Variants in SEC23B observed in about 807,000 individuals in gnomAD.
SEC23B encodes protein transport protein Sec23B.
A neutral mutation model predicts 104.3 loss-of-function variants in SEC23B; 77 were observed. That is an observed-to-expected ratio of 0.74 (90% CI 0.61 to 0.89). The LOEUF is 0.89. Among genes scored for constraint, SEC23B ranks in the 40% least tolerant of loss-of-function variants. The probability of loss-of-function intolerance (pLI) is 0.00; values close to 1 mark genes in which losing one functional copy is unlikely to be tolerated. For missense variants in SEC23B, 885 were observed against 949.4 expected (o/e 0.93, Z 0.89); for synonymous variants, 338 against 332.5 (o/e 1.02, Z -0.18).
intron 12 of SEC23B, among the ~76,000 whole-genome samples, chr20:18,538,403 C>T (rs1457978678): frequency 6.6e-6 from 1 of 152,006 alleles, no homozygotes; most frequent in Non-Finnish European, 1.5e-5. Context: ...GCACCCGCCA[C>T]CACGCCCAGC....
At chr20:18,524,735 T>A in intron 5 of SEC23B, 66 bp downstream of exon 5, 1 of 1,383,774 alleles carries the variant, frequency 7.2e-7, no homozygotes, top group Non-Finnish European at 1.0e-6. Context: ...GGGGTCTCTT[T>A]AAAAGAGCCT....
intron 4 of SEC23B, among the ~76,000 whole-genome samples, chr20:18,519,493 C>T (rs1809717851): frequency 6.6e-6 from 1 of 152,172 alleles, no homozygotes; most frequent in South Asian, 2.1e-4. Flanking sequence ...ACATGATGGC[C>T]AGCCTAAAAC....
intron 19 of SEC23B, among the ~76,000 whole-genome samples, chr20:18,559,119 C>T (rs1254467465): frequency 2.0e-5 from 3 of 151,130 alleles, no homozygotes; most frequent in Non-Finnish European, 4.4e-5. Flanking sequence ...TCCATTACTG[C>T]CAGGTGGAGA....
At chr20:18,521,726 C>T (rs373870995) in intron 4 of SEC23B, among the ~76,000 whole-genome samples, 3 of 151,656 alleles carry the variant, frequency 2.0e-5, no homozygotes, top group South Asian at 2.1e-4. Context: ...CAGATGAGTC[C>T]GTAGAAAAGG....
At position 18,526,345 on chromosome 20, in the gene SEC23B, T is replaced by TCTAACATG. The variant is rs1416292645; in HGVS notation, c.835-25_835-18dup. ...ATACTAAAAGGTGAGGCTGTATACT[T>TCTAACATG]CTAACATGCTGCCATTCGCTATTTT... On this transcript the variant is annotated intron_variant, in intron 7 of 19. Transcript: ENST00000650089. 4 of 1,613,332 alleles carry TCTAACATG rather than the reference T, an allele frequency of 2.5e-6. No individual in the cohort carries two copies. In the African/African-American group the frequency reaches 5.3e-5, roughly 22 times the overall value.
chr20:18,523,466 G>C (rs1451315632), intron 4 of SEC23B, among the ~76,000 whole-genome samples: 2 of 138,734 alleles, frequency 1.4e-5, no homozygotes, highest in Non-Finnish European at 3.1e-5. Context: ...GCAATGGCAC[G>C]ATCTCAGCTC....
Position 18,525,000 on chromosome 20 carries a change from G to A in SEC23B, c.669G>A (p.Glu223=). Residue 223 remains glutamate (E), a synonymous_variant, in exon 6 of 20, where the codon GAG becomes GAA. Coordinates refer to ENST00000650089, the MANE Select transcript of SEC23B (RefSeq NM_006363.6). ...AAGCACGACCTGCACAACCACAGGA[G>A]CACCCTTTTGCTTCAAGCAGGTGAG... ...MQQARPAQPQ[E]HPFASSRFLQ... is the part of the protein sequence containing the mutation. 1 of 1,614,050 alleles carries A rather than the reference G, an allele frequency of 6.2e-7. No individual in the cohort carries two copies. Among genetic ancestry groups the A allele is most frequent in the Non-Finnish European group, 8.5e-7 (1 of 1,180,020 alleles).
At chr20:18,529,331 T>G (rs1568608814) in intron 9 of SEC23B, among the ~76,000 whole-genome samples, 1 of 152,190 alleles carries the variant, frequency 6.6e-6, no homozygotes, top group East Asian at 1.9e-4. Context: ...ACAGAGCTGT[T>G]CAAACACAGA....
In SEC23B at chr20:18,555,103, T is replaced by TA; in HGVS notation, c.2149-2dup. 1.2e-6 allele frequency: 2 copies of TA among 1,612,896 alleles called. No homozygotes were observed. The highest frequency in any genetic ancestry group is 4.5e-5 in the East Asian group (2 of 44,868). On this transcript the variant is annotated splice_polypyrimidine_tract_variant and splice_region_variant and intron_variant, in intron 18 of 19. Coordinates refer to ENST00000650089, the MANE Select transcript of SEC23B (RefSeq NM_006363.6). ...TAAATCTTTTTGTTGTTGTTGTTGTTAAAGGCTCGATTCCTTTTGTCCAAA... is the reference window on the plus strand; with the variant it reads ...TAAATCTTTTTGTTGTTGTTGTTGTTAAAAGGCTCGATTCCTTTTGTCCAAA...
At chr20:18,528,430 C>G (rs1045764210) in intron 9 of SEC23B, among the ~76,000 whole-genome samples, 4 of 152,204 alleles carry the variant, frequency 2.6e-5, no homozygotes, top group Non-Finnish European at 5.9e-5. Context: ...AGTTTGAGAA[C>G]CATGCAGCAT....
chr20:18,535,243 G>T (rs1054425890), intron 11 of SEC23B, among the ~76,000 whole-genome samples: 21 of 150,738 alleles, frequency 1.4e-4, no homozygotes, highest in African/African-American at 4.9e-4. Flanking sequence ...GGAACGATGG[G>T]TCACACCTGT....
chr20:18,528,645 A>G (rs2060155240), intron 9 of SEC23B, among the ~76,000 whole-genome samples: 1 of 152,222 alleles, frequency 6.6e-6, no homozygotes, highest in Non-Finnish European at 1.5e-5. Context: ...GAGTTGTCCT[A>G]GAGAGCAGCA....
chr20:18,553,380 T>TA (rs1407663033), intron 17 of SEC23B, among the ~76,000 whole-genome samples: 1 of 152,232 alleles, frequency 6.6e-6, no homozygotes, highest in East Asian at 1.9e-4. Context: ...GGAGCCATAT[T>TA]AATGGCTCTG....
intron 4 of SEC23B, among the ~76,000 whole-genome samples, chr20:18,520,886 G>C (rs2060077866): frequency 6.6e-6 from 1 of 152,042 alleles, no homozygotes; most frequent in Non-Finnish European, 1.5e-5. Context: ...AGAAGATCTG[G>C]GAAGGAGTCA....
At chr20:18,545,823 A>G in intron 14 of SEC23B, 133 bp from the exon 15 acceptor site, 3 of 717,882 alleles carry the variant, frequency 4.2e-6, no homozygotes, top group Non-Finnish European at 7.7e-6. Flanking sequence ...GTGCTAGTCT[A>G]GGACTTATAG....
chr20:18,530,831 G>A, intron 10 of SEC23B, 28 bp downstream of exon 10: 3 of 1,544,002 alleles, frequency 1.9e-6, no homozygotes, highest in Non-Finnish European at 2.7e-6. Context: ...TTTTTTTTAT[G>A]TGGACTCACT....
intron 1 of SEC23B, among the ~76,000 whole-genome samples, chr20:18,510,417 A>G (rs2059971284): frequency 6.6e-6 from 1 of 152,228 alleles, no homozygotes; most frequent in Non-Finnish European, 1.5e-5. Context: ...ATCAGATGGA[A>G]AAGAAATACT....
At chr20:18,559,285 G>C (rs1437968199) in intron 19 of SEC23B, among the ~76,000 whole-genome samples, 2 of 152,132 alleles carry the variant, frequency 1.3e-5, no homozygotes, top group Non-Finnish European at 2.9e-5. Flanking sequence ...TGAAAGTCCT[G>C]ACCCTCCTCC....
intron 15 of SEC23B, among the ~76,000 whole-genome samples, 175 bp from the exon 16 acceptor site, chr20:18,548,432 ACT>A (rs1864045861): frequency 6.6e-6 from 1 of 152,022 alleles, no homozygotes; most frequent in Non-Finnish European, 1.5e-5. Flanking sequence ...TTAAGCAACA[ACT>A]CTCAGTTTTC....
Sources: allele counts gnomAD v4.1 joint callset (sites outside exome capture counted in the v4.1 genomes callset), GRCh38; gene constraint gnomAD v4.1.1; transcripts MANE v1.5; gene names NCBI Gene and HGNC (gene_info 2026-07-23, HGNC 2026-07-21).